WNK1: variants seen among roughly 807,000 people sequenced by gnomAD.
The protein encoded by WNK1 is serine/threonine-protein kinase WNK1.
A neutral mutation model predicts 222.8 loss-of-function variants in WNK1; 38 were observed. That is an observed-to-expected ratio of 0.17 (90% CI 0.13 to 0.22). The LOEUF (loss-of-function observed/expected upper bound fraction) is 0.22, where lower values mean the gene tolerates loss of function less well. Among genes scored for constraint, WNK1 ranks in the 10% least tolerant of loss-of-function variants. The probability of loss-of-function intolerance (pLI) is 1.00; values close to 1 mark genes in which losing one functional copy is unlikely to be tolerated. For synonymous variants in WNK1, 1,090 were observed against 1,092.9 expected (o/e 1.00, Z 0.05); for missense variants, 2,348 against 2,918.4 (o/e 0.80, Z 4.50).
intron 4 of WNK1, among the ~76,000 whole-genome samples, chr12:847,842 C>G (rs1163250901): frequency 8.4e-6 from 1 of 119,150 alleles, no homozygotes; most frequent in Non-Finnish European, 1.6e-5. Context: ...TAGTCTCACT[C>G]TGTCGTTAGG....
At chr12:859,812 C>T (rs545333127) in intron 6 of WNK1, among the ~76,000 whole-genome samples, 1 of 151,498 alleles carries the variant, frequency 6.6e-6, no homozygotes, top group Admixed American at 6.6e-5. Flanking sequence ...AACTCCTGAA[C>T]TCAAGCAATC....
intron 22 of WNK1, among the ~76,000 whole-genome samples, chr12:893,233 G>A (rs1954428218): frequency 6.6e-6 from 1 of 152,020 alleles, no homozygotes; most frequent in Admixed American, 6.6e-5. Context: ...CTCCAGCCTG[G>A]GTGACAGAGT....
intron 4 of WNK1, among the ~76,000 whole-genome samples, chr12:832,389 G>A (rs1948870274): frequency 6.6e-6 from 1 of 152,116 alleles, no homozygotes; most frequent in South Asian, 2.1e-4. Context: ...AAAACTGATA[G>A]GAAACATTTT....
At chr12:848,848 G>A (rs764710674) in intron 4 of WNK1, among the ~76,000 whole-genome samples, 1 of 152,098 alleles carries the variant, frequency 6.6e-6, no homozygotes, top group East Asian at 1.9e-4. Flanking sequence ...TATAGAAAAG[G>A]TTGCTCTTTA....
chr12:816,575 A>G (rs1229210861), intron 2 of WNK1, among the ~76,000 whole-genome samples: 2 of 152,112 alleles, frequency 1.3e-5, no homozygotes, highest in Non-Finnish European at 2.9e-5. Context: ...AGCATGAGCC[A>G]CGGTGCCCAG....
chr12:833,128 C>T (rs372462912), intron 4 of WNK1, among the ~76,000 whole-genome samples: 3 of 151,566 alleles, frequency 2.0e-5, no homozygotes, highest in African/African-American at 4.9e-5. Context: ...GTTTTTTACT[C>T]GCTGCTTCCA....
At chr12:760,819 G>A (rs780626347) in intron 1 of WNK1, among the ~76,000 whole-genome samples, 6 of 146,648 alleles carry the variant, frequency 4.1e-5, no homozygotes, top group Non-Finnish European at 9.1e-5. Context: ...AGGCTGGAGT[G>A]CAGTGGCGTG....
In WNK1 at chr12:885,783, G is replaced by T. The variant is rs1177017375; in HGVS notation, c.4979G>T (p.Arg1660Leu). 1 of 1,614,120 alleles carries T rather than the reference G, an allele frequency of 6.2e-7. No homozygotes were observed. The highest frequency in any genetic ancestry group is 1.7e-5 in the Admixed American group (1 of 60,012). The change falls in exon 19 of 28, where the codon CGG becomes CTG. Residue 1660 changes from arginine (R) to leucine (L), a missense_variant. This residue lies in a region of WNK1 where 1,144 missense variants were observed against 1,273.6 expected (regional missense o/e 0.90). Transcript: ENST00000315939. ...ATAAAGACTCTAGAAGAAAAGCTGCGGTCTCTGTTCAGTGAACACAGCTCA... is the reference window on the plus strand; with the variant it reads ...ATAAAGACTCTAGAAGAAAAGCTGCTGTCTCTGTTCAGTGAACACAGCTCA... ...DDIKTLEEKL[R>L]SLFSEHSSSG... is the part of the protein sequence containing the mutation.
At chr12:878,430 A>G in intron 10 of WNK1, 69 bp downstream of exon 10, 1 of 1,525,168 alleles carries the variant, frequency 6.6e-7, no homozygotes, top group Non-Finnish European at 9.0e-7. Context: ...AGGGATTTCC[A>G]TGTAACTTGT....
chr12:893,180 C>T (rs545903832), intron 22 of WNK1, among the ~76,000 whole-genome samples: 17 of 152,062 alleles, frequency 1.1e-4, no homozygotes, highest in Admixed American at 1.1e-3. Flanking sequence ...TCACCTGAGC[C>T]TGGGAGGTTG....
chr12:838,077 CA>C (rs1949336994), intron 4 of WNK1, among the ~76,000 whole-genome samples: 1 of 70,042 alleles, frequency 1.4e-5, no homozygotes, highest in Non-Finnish European at 2.8e-5. Context: ...AGTAATATTC[CA>C]GTGTGTGTGT....
chr12:859,852 A>C (rs1951071964), intron 6 of WNK1, among the ~76,000 whole-genome samples: 1 of 151,738 alleles, frequency 6.6e-6, no homozygotes. Context: ...AGAAGCTGGG[A>C]CCATAGGGAC....
chr12:787,711 A>T (rs533937449), intron 1 of WNK1, among the ~76,000 whole-genome samples: 85 of 152,188 alleles, frequency 5.6e-4, no homozygotes, highest in Non-Finnish European at 9.3e-4. Context: ...TGTAAAGACC[A>T]TCTGTCTTCT....
chr12:828,713 A>C lies in WNK1; in HGVS notation c.1154-1290A>C, dbSNP rs72648623. 3.4e-3 allele frequency among the ~76,000 whole-genome samples: 525 copies of C among 152,330 alleles called. 4 individuals carry two copies. Among genetic ancestry groups the C allele is most frequent in the Non-Finnish European group, 5.8e-3 (394 of 68,018 alleles). ...TCCCTTTCAGACTTTATATGTTAGA[A>C]ACTCAAAGCTGGAAAAATAATTTAA... On this transcript the variant is annotated intron_variant, in intron 3 of 27. Transcript: ENST00000315939.
At chr12:787,705 A>G (rs1332945755) in intron 1 of WNK1, among the ~76,000 whole-genome samples, 2 of 152,066 alleles carry the variant, frequency 1.3e-5, no homozygotes, top group African/African-American at 4.8e-5. Context: ...CTCTGTTGTA[A>G]AGACCATCTG....
chr12:852,574 T>TA (rs958596929), intron 4 of WNK1, among the ~76,000 whole-genome samples: 1 of 152,188 alleles, frequency 6.6e-6, no homozygotes, highest in African/African-American at 2.4e-5. Flanking sequence ...TAACAAACTC[T>TA]AGTTTTGTTC....
chr12:804,950 T>G (rs1946237452), intron 1 of WNK1, among the ~76,000 whole-genome samples: 1 of 144,816 alleles, frequency 6.9e-6, no homozygotes, highest in African/African-American at 2.5e-5. Flanking sequence ...TATATATATA[T>G]AATATAAAAT....
chr12:784,524 G>T (rs1164337927), intron 1 of WNK1, among the ~76,000 whole-genome samples: 1 of 151,896 alleles, frequency 6.6e-6, no homozygotes. Context: ...TTTAAAAATA[G>T]CATTATTGAA....
intron 26 of WNK1, among the ~76,000 whole-genome samples, chr12:903,947 A>C (rs1306702295): frequency 6.6e-6 from 1 of 152,220 alleles, no homozygotes; most frequent in African/African-American, 2.4e-5. Flanking sequence ...GTTAGTATAT[A>C]TATGTGGGAT....
Sources: gnomAD v4.1 joint callset for allele counts (sites outside exome capture counted in the v4.1 genomes callset) on GRCh38, gnomAD v4.1.1 for gene constraint, gnomAD v4.1.1 regional missense constraint, MANE v1.5 for transcripts, NCBI Gene and HGNC (gene_info 2026-07-23, HGNC 2026-07-21) for gene names.